Variants in PPP4R1 observed in about 807,000 individuals in gnomAD.
PPP4R1 encodes protein phosphatase 4 regulatory subunit 1, also known as serine/threonine-protein phosphatase 4 regulatory subunit 1.
PPP4R1 carries 42 observed loss-of-function variants against 111.2 expected under a neutral mutation model. The observed-to-expected ratio is 0.38, with a 90% CI of 0.29 to 0.49. The LOEUF (loss-of-function observed/expected upper bound fraction) is 0.49. PPP4R1 is among the 20% of genes least tolerant of loss of function. The pLI, the probability that PPP4R1 is intolerant of heterozygous loss-of-function variation, is 0.97. For missense variants in PPP4R1, 1,012 were observed against 1,161.6 expected (o/e 0.87, Z 1.87); for synonymous variants, 409 against 405.5 (o/e 1.01, Z -0.10).
intron 11 of PPP4R1, among the ~76,000 whole-genome samples, chr18:9,565,764 G>A (rs376420361): frequency 5.3e-5 from 8 of 152,318 alleles, no homozygotes; most frequent in South Asian, 2.1e-4. Context: ...AGCTAGCAGA[G>A]GTTGGTTCAT....
intron 19 of PPP4R1, among the ~76,000 whole-genome samples, chr18:9,548,888 A>G (rs1057176852): frequency 1.1e-4 from 16 of 152,272 alleles, no homozygotes; most frequent in African/African-American, 3.4e-4. Context: ...ATTGCACTCC[A>G]GCCTGGGTGA....
intron 18 of PPP4R1, 74 bp from the exon 19 acceptor site, chr18:9,549,412 C>G (rs2144958232): frequency 1.3e-6 from 2 of 1,531,928 alleles, no homozygotes; most frequent in Admixed American, 1.8e-5. Flanking sequence ...CTAACAAAAT[C>G]TCTGAGTGAC....
intron 2 of PPP4R1, among the ~76,000 whole-genome samples, chr18:9,601,937 A>C (rs1351687186): frequency 1.3e-5 from 2 of 152,220 alleles, no homozygotes; most frequent in Non-Finnish European, 2.9e-5. Context: ...TTCTAGTTCC[A>C]AATTATGAAA....
chr18:9,549,198 T>C lies in PPP4R1; in HGVS notation c.2688A>G (p.Lys896=). 6.2e-7 allele frequency: 1 copy of C among 1,611,978 alleles called. No homozygotes were observed. The highest frequency in any genetic ancestry group is 8.5e-7 in the Non-Finnish European group (1 of 1,178,154). ...TCTTCTAGTGGAGTCACTACCTACC[T>C]TTTTCTAGTAGAGTTTGTCTTAATG... ...AKTLRQTLLE[K]DYFLASASCH... is the part of the protein sequence containing the mutation. Residue 896 remains lysine, a splice_region_variant and synonymous_variant, in exon 19 of 20, where the codon AAA becomes AAG. Transcript: ENST00000400556.
chr18:9,548,200 TTAAA>T (rs747988910), intron 19 of PPP4R1, among the ~76,000 whole-genome samples: 1 of 151,832 alleles, frequency 6.6e-6, no homozygotes, highest in Non-Finnish European at 1.5e-5. Flanking sequence ...CTAAGGAATA[TTAAA>T]TTAATAAATA....
chr18:9,612,215 C>T lies in PPP4R1; in HGVS notation c.52+2011G>A, dbSNP rs550664731. Among the ~76,000 whole-genome samples the T allele has an allele frequency of 3.9e-5, 6 of 152,246 alleles. No individual in the cohort carries two copies. The South Asian group carries it at 6.2e-4, about 16-fold the overall frequency. On this transcript the variant is annotated intron_variant, in intron 2 of 19. Coordinates refer to ENST00000400556, the MANE Select transcript of PPP4R1 (RefSeq NM_001042388.3). ...TCAGAGGCACTAACTCATGTACAGC[C>T]TTGAACAACTCTATGAAGTAGGTAA...
At chr18:9,606,490 C>A (rs780978754) in intron 2 of PPP4R1, among the ~76,000 whole-genome samples, 8 of 152,116 alleles carry the variant, frequency 5.3e-5, no homozygotes, top group African/African-American at 9.7e-5. Flanking sequence ...TAGTCTCCAG[C>A]AACAGGTATG....
intron 6 of PPP4R1, 86 bp from the exon 7 acceptor site, chr18:9,584,914 G>A: frequency 9.0e-7 from 1 of 1,113,492 alleles, no homozygotes; most frequent in Non-Finnish European, 1.3e-6. Context: ...TATAATTTGA[G>A]GAAACATAAA....
Position 9,547,897 on chromosome 18 carries a change from C to A in PPP4R1, c.2745G>T (p.Met915Ile). The A allele has an allele frequency of 1.9e-6, 3 of 1,613,946 alleles. No homozygotes were observed. The highest frequency in any genetic ancestry group is 2.5e-6 in the Non-Finnish European group (3 of 1,180,026). The change falls in exon 20 of 20, where the codon ATG becomes ATT. Residue 915 changes from methionine to isoleucine, a missense_variant. By Grantham distance (10) the Met-to-Ile change is conservative. Around this residue, in one of 2 missense-constraint regions of PPP4R1, gnomAD observed 305 missense variants for 419.5 expected, o/e 0.73. Coordinates refer to ENST00000400556, the MANE Select transcript of PPP4R1 (RefSeq NM_001042388.3). ...CGCTGTCACGGTCCATCTGAAGAGCCATGATGGTCTGCTCCACAGCCTCCT... is the reference window on the plus strand; with the variant it reads ...CGCTGTCACGGTCCATCTGAAGAGCAATGATGGTCTGCTCCACAGCCTCCT... Reference protein sequence around the residue: ...CHQEAVEQTIMALQMDRDSDV... With the variant: ...CHQEAVEQTIIALQMDRDSDV...
Position 9,553,324 on chromosome 18 carries a change from A to T in PPP4R1, c.2289T>A (p.Ala763=). Residue 763 remains alanine (A), a splice_region_variant and synonymous_variant, in exon 16 of 20, where the codon GCT becomes GCA. Transcript: ENST00000400556. ...SRNWRFRAEL[A]EQLILLLELY... ...TCTAATAAACTGTTAGAACTTACTC[A>T]GCCAGTTCAGCTCGAAACCGCCAAT... 1 of 1,568,500 alleles carries T rather than the reference A, an allele frequency of 6.4e-7. No homozygotes were observed. Among genetic ancestry groups the T allele is most frequent in the Non-Finnish European group, 8.8e-7 (1 of 1,139,290 alleles).
chr18:9,587,512 C>T (rs7234355), intron 6 of PPP4R1: 10,694 of 151,738 alleles, frequency 0.07, 466 homozygotes, highest in Admixed American at 0.099. Flanking sequence ...AAATGATTCT[C>T]GTGCCTCAGC....
At chr18:9,605,566 C>CAAAAAAAAAAAAAAA (rs34208690) in intron 2 of PPP4R1, among the ~76,000 whole-genome samples, 1 of 67,636 alleles carries the variant, frequency 1.5e-5, no homozygotes, top group Non-Finnish European at 2.8e-5. Context: ...GCAGTCCTGT[C>CAAAAAAAAAAAAAAA]AAAAAAAAAA....
In PPP4R1 at chr18:9,614,334, C is replaced by G. The variant is rs28461902; in HGVS notation, c.8-64G>C. 2,853 of 1,101,482 alleles carry G rather than the reference C, an allele frequency of 2.6e-3. 79 individuals are homozygous for G. The African/African-American group carries it at 0.043, about 17-fold the overall frequency. The allele number at this position is 1,101,482 out of a possible 1,614,324, so 68.2% of individuals were successfully genotyped here. On this transcript the variant is annotated intron_variant, in intron 1 of 19. Transcript: ENST00000400556. The surrounding 1 kb of genome is among the most constrained non-coding windows in gnomAD (Gnocchi z 4.1). ...CCGGGGCCCGGCGCGACGCCCCCCC[C>G]CCGCCCGCCTCCCCCCCGCCCCGGG...
intron 15 of PPP4R1, 159 bp downstream of exon 15, chr18:9,557,062 G>C: frequency 1.7e-6 from 1 of 603,268 alleles, no homozygotes; most frequent in Non-Finnish European, 2.8e-6. Context: ...GTATAATTAT[G>C]GGACCATTTC....
chr18:9,561,177 C>T (rs1039245075), intron 13 of PPP4R1, among the ~76,000 whole-genome samples: 14 of 150,636 alleles, frequency 9.3e-5, no homozygotes, highest in Admixed American at 2.0e-4. Context: ...TGAGATGGTG[C>T]CACTGCACTC....
chr18:9,591,678 C>G (rs1006523400), intron 4 of PPP4R1, among the ~76,000 whole-genome samples: 1 of 152,154 alleles, frequency 6.6e-6, no homozygotes, highest in African/African-American at 2.4e-5. Context: ...AATTAGAAAC[C>G]TCAGGGTCAA....
intron 2 of PPP4R1, among the ~76,000 whole-genome samples, chr18:9,607,801 T>C (rs1297380281): frequency 6.7e-6 from 1 of 150,072 alleles, no homozygotes; most frequent in Non-Finnish European, 1.5e-5. Flanking sequence ...TTTTTTTTTT[T>C]TGGATGGAGT....
At chr18:9,561,867 T>C (rs1439573022) in intron 13 of PPP4R1, 113 bp downstream of exon 13, 2 of 775,000 alleles carry the variant, frequency 2.6e-6, no homozygotes, top group Non-Finnish European at 4.4e-6. Flanking sequence ...TATGACACAC[T>C]AGTCAATTTT....
At chr18:9,550,714 G>C (rs1203828532) in intron 16 of PPP4R1, 1 of 242,684 alleles carries the variant, frequency 4.1e-6, no homozygotes, top group Admixed American at 5.1e-5. Context: ...ACTGATCCAT[G>C]GTCACAGTTT....
Sources: gnomAD v4.1 joint callset for allele counts (sites outside exome capture counted in the v4.1 genomes callset) on GRCh38, gnomAD v4.1.1 for gene constraint, gnomAD v4.1.1 regional missense constraint, Gnocchi (gnomAD v3.1) non-coding constraint, MANE v1.5 for transcripts, NCBI Gene and HGNC (gene_info 2026-07-23, HGNC 2026-07-21) for gene names.